Variants in CACNA2D1 observed in about 807,000 individuals in gnomAD.
CACNA2D1 encodes calcium voltage-gated channel auxiliary subunit alpha2delta 1, also known as voltage-dependent calcium channel subunit alpha-2/delta-1.
In CACNA2D1, 53 loss-of-function variants were observed where a neutral mutation model predicts 171.5. The observed-to-expected ratio is 0.31, with a 90% CI of 0.25 to 0.39. The LOEUF is 0.39. Among genes scored for constraint, CACNA2D1 ranks in the 10% least tolerant of loss-of-function variants. CACNA2D1 has a pLI of 1.00. For missense variants in CACNA2D1, 903 were observed against 1,299.8 expected, an observed-to-expected ratio of 0.69 and a Z score of 4.69; for synonymous variants, 442 against 443.1, an observed-to-expected ratio of 1.00 and a Z score of 0.03.
chr7:82,272,651 G>A (rs1808789077), intron 3 of CACNA2D1, among the ~76,000 whole-genome samples: 1 of 152,132 alleles, frequency 6.6e-6, no homozygotes. Flanking sequence ...CACCTTAGAA[G>A]TGGATCTTCT....
At chr7:82,161,569 T>C (rs548743337) in intron 4 of CACNA2D1, among the ~76,000 whole-genome samples, 7 of 152,184 alleles carry the variant, frequency 4.6e-5, no homozygotes, top group South Asian at 4.1e-4. Flanking sequence ...TGTGGAGTTA[T>C]GGCAGAGAAA....
intron 1 of CACNA2D1, among the ~76,000 whole-genome samples, chr7:82,423,852 G>C (rs1828937313): frequency 6.6e-6 from 1 of 152,106 alleles, no homozygotes. Context: ...GCTAATCTGG[G>C]AACTGTGTCT....
At chr7:82,042,439 T>G (rs1197424324) in intron 10 of CACNA2D1, among the ~76,000 whole-genome samples, 5 of 152,188 alleles carry the variant, frequency 3.3e-5, no homozygotes, top group African/African-American at 1.2e-4. Context: ...GGAGCTCTGA[T>G]TTTTTCATCA....
At chr7:82,298,114 G>T (rs1258814030) in intron 3 of CACNA2D1, among the ~76,000 whole-genome samples, 1 of 151,824 alleles carries the variant, frequency 6.6e-6, no homozygotes. Flanking sequence ...ACACCGACTG[G>T]TAATTATTGA....
At chr7:82,326,415 C>A (rs1279580445) in intron 3 of CACNA2D1, among the ~76,000 whole-genome samples, 2 of 152,140 alleles carry the variant, frequency 1.3e-5, no homozygotes, top group Non-Finnish European at 2.9e-5. Flanking sequence ...AATTCTTTGC[C>A]AGCTGTGTAA....
At chr7:82,265,416 C>CTTTTTTTTTTTTTTTTT (rs765047961) in intron 3 of CACNA2D1, among the ~76,000 whole-genome samples, 1 of 77,296 alleles carries the variant, frequency 1.3e-5, no homozygotes, top group Non-Finnish European at 2.6e-5. Context: ...TTTTTCCTTT[C>CTTTTTTTTTTTTTTTTT]TTTTTTTTTT....
In CACNA2D1 at chr7:81,973,881, A is replaced by G. The variant is rs113995360; in HGVS notation, c.2053+574T>C. ...TACCTGAAAGACAAATATAATGGTT[A>G]AAAACTAATTACTAATTTTCTGTTG... On this transcript the variant is annotated intron_variant, in intron 25 of 38. Transcript: ENST00000356860. Among the ~76,000 whole-genome samples, 266 of 152,150 alleles carry G rather than the reference A, an allele frequency of 1.7e-3. 1 individual carries two copies. The highest frequency in any genetic ancestry group is 6.0e-3 in the African/African-American group (249 of 41,546).
At chr7:82,022,303 A>G (rs1438296055) in intron 12 of CACNA2D1, among the ~76,000 whole-genome samples, 1 of 151,770 alleles carries the variant, frequency 6.6e-6, no homozygotes, top group African/African-American at 2.4e-5. Context: ...AGCTGGGCAT[A>G]TTACATTGTA....
intron 10 of CACNA2D1, among the ~76,000 whole-genome samples, chr7:82,044,039 C>T (rs781667586): frequency 9.2e-5 from 14 of 152,132 alleles, no homozygotes; most frequent in Non-Finnish European, 1.6e-4. Flanking sequence ...CTCAACCTGT[C>T]TTTTTAAAAT....
chr7:82,074,231 CTTT>C (rs1037797812), intron 7 of CACNA2D1, among the ~76,000 whole-genome samples: 6 of 152,008 alleles, frequency 3.9e-5, no homozygotes, highest in African/African-American at 1.4e-4. Flanking sequence ...ACTTTTATTA[CTTT>C]TTTATTTTTT....
chr7:82,204,941 C>T (rs557238364), intron 3 of CACNA2D1, among the ~76,000 whole-genome samples: 1 of 152,300 alleles, frequency 6.6e-6, no homozygotes, highest in Admixed American at 6.5e-5. Flanking sequence ...TGTAACCATG[C>T]CACGTGAGGT....
At chr7:82,297,433 G>C (rs11973991) in intron 3 of CACNA2D1, among the ~76,000 whole-genome samples, 8,014 of 152,076 alleles carry the variant, frequency 0.053, 592 homozygotes, top group African/African-American at 0.16. Context: ...TTTTCAGTTG[G>C]TAACTTCACA....
intron 3 of CACNA2D1, among the ~76,000 whole-genome samples, chr7:82,287,393 T>C (rs1054856426): frequency 1.3e-5 from 2 of 152,184 alleles, no homozygotes; most frequent in African/African-American, 4.8e-5. Flanking sequence ...TATCCTTGGC[T>C]GGGATGTTCT....
At chr7:82,210,771 G>A (rs975549156) in intron 3 of CACNA2D1, among the ~76,000 whole-genome samples, 2 of 152,136 alleles carry the variant, frequency 1.3e-5, no homozygotes, top group Non-Finnish European at 2.9e-5. Flanking sequence ...GCACAAACAT[G>A]TTCAACAAAG....
At chr7:82,264,144 G>C (rs904591580) in intron 3 of CACNA2D1, among the ~76,000 whole-genome samples, 1 of 152,040 alleles carries the variant, frequency 6.6e-6, no homozygotes, top group Admixed American at 6.6e-5. Flanking sequence ...CATCATGCTG[G>C]TGACAGATGT....
At chr7:82,235,358 T>G (rs1030699723) in intron 3 of CACNA2D1, among the ~76,000 whole-genome samples, 9 of 152,286 alleles carry the variant, frequency 5.9e-5, no homozygotes, top group African/African-American at 1.7e-4. Context: ...CCTGTGTTAA[T>G]ACTTTAGTGC....
chr7:82,279,345 T>C (rs1809774454), intron 3 of CACNA2D1, among the ~76,000 whole-genome samples: 1 of 152,150 alleles, frequency 6.6e-6, no homozygotes, highest in Non-Finnish European at 1.5e-5. Flanking sequence ...TATCTGAAGT[T>C]ATTACAAGTG....
chr7:82,346,627 C>T (rs1344558863), intron 2 of CACNA2D1, among the ~76,000 whole-genome samples: 1 of 151,738 alleles, frequency 6.6e-6, no homozygotes, highest in African/African-American at 2.4e-5. Flanking sequence ...GTGCTATCAA[C>T]AGAAATGGGA....
At chr7:82,405,565 C>A (rs371059898) in intron 1 of CACNA2D1, among the ~76,000 whole-genome samples, 4 of 152,200 alleles carry the variant, frequency 2.6e-5, no homozygotes, top group African/African-American at 7.2e-5. Flanking sequence ...GAATGATTAA[C>A]AGAAATGCAT....
Sources: gnomAD v4.1 joint callset for allele counts (sites outside exome capture counted in the v4.1 genomes callset) on GRCh38, gnomAD v4.1.1 for gene constraint, MANE v1.5 for transcripts, NCBI Gene and HGNC (gene_info 2026-07-23, HGNC 2026-07-21) for gene names.